Variants in ABCB4 observed in about 807,000 individuals in gnomAD.
ABCB4 encodes the protein phosphatidylcholine translocator ABCB4.
A neutral mutation model predicts 145.7 loss-of-function variants in ABCB4; 76 were observed. The observed-to-expected ratio is 0.52, with a 90% CI of 0.43 to 0.63. The LOEUF (loss-of-function observed/expected upper bound fraction) is 0.63, where lower values mean the gene tolerates loss of function less well. Among genes scored for constraint, ABCB4 ranks in the 30% least tolerant of loss-of-function variants. The pLI is 0.00. For synonymous variants in ABCB4, 517 were observed against 566.8 expected (o/e 0.91, Z 1.25); for missense variants, 1,234 against 1,553.1 (o/e 0.79, Z 3.45).
rs1051177456 is a variant in ABCB4 at position 87,431,340 on chromosome 7, T to C, written c.1893+64A>G. 5.0e-6 allele frequency: 8 copies of C among 1,601,468 alleles called. No individual in the cohort carries two copies. The African/African-American group carries it at 8.0e-5, about 16-fold the overall frequency. ...AGTATAGCATTCACTGGATCATATT[T>C]TAATATTTAAAGAACACTATATTGA... On this transcript the variant is annotated intron_variant, in intron 15 of 27. Coordinates refer to ENST00000649586, the MANE Select transcript of ABCB4 (RefSeq NM_000443.4).
At chr7:87,433,295 C>G (rs1810369575) in intron 14 of ABCB4, among the ~76,000 whole-genome samples, 1 of 152,128 alleles carries the variant, frequency 6.6e-6, no homozygotes, top group South Asian at 2.1e-4. Flanking sequence ...ACACAGCTCT[C>G]TTGGACAACA....
the ABCB4 span, among the ~76,000 whole-genome samples, chr7:87,396,487 T>C: frequency 2.6e-5 from 4 of 152,156 alleles, no homozygotes; most frequent in Non-Finnish European, 5.9e-5. Context: ...CCTTCTATGA[T>C]AGGAGCATTG....
At chr7:87,449,737 G>A (rs1584759385) in intron 8 of ABCB4, among the ~76,000 whole-genome samples, 1 of 152,266 alleles carries the variant, frequency 6.6e-6, no homozygotes, top group East Asian at 1.9e-4. Context: ...TTAAAAACAA[G>A]GGAGTCCATT....
rs143456575 is a variant in ABCB4, at chr7:87,422,220, A to G, written c.2217T>C (p.Phe739=). 6.2e-7 allele frequency: 1 copy of G among 1,611,330 alleles called. No homozygotes were observed. Among genetic ancestry groups the G allele is most frequent in the Non-Finnish European group, 8.5e-7 (1 of 1,177,738 alleles). The part of the protein sequence containing the change: ...SVIFSEIIAI[F]GPGDDAVKQQ... ...GCTTCACTGCATCATCGCCTGGTCC[A>G]AAAATCTACAAAAGAATATTTAAAA... The change falls in exon 18 of 28, where the codon TTT becomes TTC. Residue 739 remains phenylalanine, a synonymous_variant. Coordinates refer to ENST00000649586, the MANE Select transcript of ABCB4 (RefSeq NM_000443.4).
Position 87,403,846 on chromosome 7 carries a change from G to C in ABCB4, c.3487-565C>G, listed in dbSNP as rs149978493. 4.6e-3 allele frequency among the ~76,000 whole-genome samples: 704 copies of C among 152,254 alleles called. 4 individuals are homozygous for C. The highest frequency in any genetic ancestry group is 0.016 in the African/African-American group (670 of 41,556). On this transcript the variant is annotated intron_variant, in intron 26 of 27. Transcript: ENST00000649586. ...GCACACTATGAAAGATCAGAAGAAGGAGATAGAAGTTGTTATGGAGACAGG... is the reference window on the plus strand; with the variant it reads ...GCACACTATGAAAGATCAGAAGAAGCAGATAGAAGTTGTTATGGAGACAGG...
Position 87,439,775 on chromosome 7 carries a change from G to T in ABCB4, c.1623C>A (p.Ile541=). ...TGCGAACCAGGGCACGTGCAATGGC[G>T]ATCCTCTGCTTCTGCCCACCACTCA... The part of the protein sequence containing the change: ...AQLSGGQKQR[I]AIARALVRNP... Residue 541 remains isoleucine (I), a synonymous_variant, in exon 14 of 28, where the codon ATC becomes ATA. Transcript: ENST00000649586. 6.2e-7 allele frequency: 1 copy of T among 1,614,130 alleles called. No homozygotes were observed. The highest frequency in any genetic ancestry group is 8.5e-7 in the Non-Finnish European group (1 of 1,180,024).
intron 3 of ABCB4, among the ~76,000 whole-genome samples, chr7:87,467,779 C>G (rs1217089921): frequency 2.6e-5 from 4 of 152,154 alleles, no homozygotes; most frequent in African/African-American, 9.7e-5. Context: ...ACTGAACAAC[C>G]TGCTCCTGAA....
chr7:87,382,412 G>A, the ABCB4 span: 1 of 1,609,044 alleles, frequency 6.2e-7, no homozygotes, highest in Middle Eastern at 1.7e-4. Flanking sequence ...CTTCTTGTTA[G>A]GCATCTGATC....
At chr7:87,406,759 C>A (rs889040159) in intron 25 of ABCB4, among the ~76,000 whole-genome samples, 1 of 152,138 alleles carries the variant, frequency 6.6e-6, no homozygotes, top group Non-Finnish European at 1.5e-5. Context: ...CCTTGTCTGC[C>A]CTCCTCCAGC....
the ABCB4 span, chr7:87,392,919 G>C: frequency 1.2e-6 from 2 of 1,612,886 alleles, no homozygotes; most frequent in Non-Finnish European, 1.7e-6. Context: ...TGTAGGCCTA[G>C]TAAAATGTTC....
chr7:87,467,831 T>C (rs1173086649), intron 3 of ABCB4, among the ~76,000 whole-genome samples: 2 of 152,212 alleles, frequency 1.3e-5, no homozygotes, highest in African/African-American at 4.8e-5. Context: ...GAAATAAAGA[T>C]GTTCTTTGAA....
the ABCB4 span, among the ~76,000 whole-genome samples, chr7:87,373,441 C>T: frequency 1.6e-4 from 24 of 151,868 alleles, no homozygotes; most frequent in Non-Finnish European, 3.2e-4. Context: ...CCAATTTTAT[C>T]TCTTTTTTTG....
In ABCB4 at chr7:87,408,146, A is replaced by G. The variant is rs371486074; in HGVS notation, c.3170T>C (p.Leu1057Pro). Residue 1057 changes from leucine to proline, a missense_variant, in exon 25 of 28, where the codon CTG (leucine) becomes CCG (proline). Physicochemically the swap from Leu to Pro is moderately conservative, Grantham distance 98. This residue lies in a region of ABCB4 where 301 missense variants were observed against 389.0 expected (regional missense o/e 0.77). Transcript: ENST00000649586. ...ANVPVLQGLS[L>P]EVKKGQTLAL... ...TAGTGTCTGGCCTTTCTTCACCTCCAGGCTCAGCCCCTGAAGCACTGGCAC... is the reference window on the plus strand; with the variant it reads ...TAGTGTCTGGCCTTTCTTCACCTCCGGGCTCAGCCCCTGAAGCACTGGCAC... 2 of 1,614,180 alleles carry G rather than the reference A, an allele frequency of 1.2e-6. No homozygotes were observed. Among genetic ancestry groups the G allele is most frequent in the Admixed American group, 3.3e-5 (2 of 60,030 alleles).
intron 25 of ABCB4, among the ~76,000 whole-genome samples, chr7:87,406,878 C>T (rs540104093): frequency 1.1e-3 from 172 of 152,276 alleles, no homozygotes; most frequent in African/African-American, 4.0e-3. Flanking sequence ...TTCCCCTTCC[C>T]CCATGCACAG....
In ABCB4 at chr7:87,471,330, G is replaced by A. The variant is rs559871967; in HGVS notation, c.135+1291C>T. On this transcript the variant is annotated intron_variant, in intron 3 of 27. Transcript: ENST00000649586. ...GTATACATATGTAACAAACCTGCAC[G>A]TTATGCACATGTACCCTAGAACTTA... Among the ~76,000 whole-genome samples the A allele has an allele frequency of 3.1e-4, 47 of 151,736 alleles. 2 individuals are homozygous for A. The South Asian group carries it at 4.8e-3, about 16-fold the overall frequency.
At chr7:87,422,965 A>G (rs145638804) in intron 17 of ABCB4, among the ~76,000 whole-genome samples, 99 of 152,258 alleles carry the variant, frequency 6.5e-4, no homozygotes, top group African/African-American at 2.3e-3. Flanking sequence ...ATGCCCCAAA[A>G]TATATAGTCC....
chr7:87,390,986 G>A, the ABCB4 span, among the ~76,000 whole-genome samples: 1 of 152,146 alleles, frequency 6.6e-6, no homozygotes, highest in Non-Finnish European at 1.5e-5. Flanking sequence ...TTTTTCATGA[G>A]GTTGTAGTCA....
the ABCB4 span, among the ~76,000 whole-genome samples, chr7:87,379,629 G>A: frequency 6.6e-6 from 1 of 152,176 alleles, no homozygotes; most frequent in East Asian, 1.9e-4. Context: ...ATATCTCTCA[G>A]CATAACTGAA....
At chr7:87,442,629 C>T (rs1302588955) in intron 12 of ABCB4, among the ~76,000 whole-genome samples, 1 of 151,222 alleles carries the variant, frequency 6.6e-6, no homozygotes, top group African/African-American at 2.4e-5. Flanking sequence ...ATACATAATA[C>T]ACACACACAC....
Sources: gnomAD v4.1 joint callset for allele counts (sites outside exome capture counted in the v4.1 genomes callset) on GRCh38, gnomAD v4.1.1 for gene constraint, gnomAD v4.1.1 regional missense constraint, MANE v1.5 for transcripts, NCBI Gene and HGNC (gene_info 2026-07-23, HGNC 2026-07-21) for gene names.